The following PIP5K1B variants were observed in gnomAD, a reference collection of about 807,000 sequenced individuals.
PIP5K1B encodes phosphatidylinositol 4-phosphate 5-kinase type-1 beta.
In PIP5K1B, 42 loss-of-function variants were observed where a neutral mutation model predicts 67.0. That is an observed-to-expected ratio of 0.63 (90% CI 0.49 to 0.81). The LOEUF is 0.81. PIP5K1B is among the 30% of genes least tolerant of loss of function. PIP5K1B has a pLI of 0.00. For missense variants in PIP5K1B, 459 were observed against 646.3 expected (o/e 0.71, Z 3.14); for synonymous variants, 214 against 231.4 (o/e 0.92, Z 0.68).
At chr9:68,866,308 AAG>A (rs1477700621) in intron 5 of PIP5K1B, among the ~76,000 whole-genome samples, 1 of 151,830 alleles carries the variant, frequency 6.6e-6, no homozygotes, top group East Asian at 1.9e-4. Context: ...AAAAAAAAAA[AAG>A]AAAAAAATTA....
chr9:68,710,500 G>A (rs1827335139), intron 1 of PIP5K1B, among the ~76,000 whole-genome samples: 1 of 152,116 alleles, frequency 6.6e-6, no homozygotes, highest in Admixed American at 6.5e-5. Context: ...TCATATATAA[G>A]ATTAGGTCAG....
chr9:68,771,892 G>T (rs900816619), intron 2 of PIP5K1B, among the ~76,000 whole-genome samples: 1 of 152,090 alleles, frequency 6.6e-6, no homozygotes, highest in African/African-American at 2.4e-5. Flanking sequence ...AAAAAGTTGT[G>T]GATACTGAAA....
At chr9:68,844,362 A>G (rs1822075218) in intron 4 of PIP5K1B, among the ~76,000 whole-genome samples, 1 of 152,188 alleles carries the variant, frequency 6.6e-6, no homozygotes, top group Non-Finnish European at 1.5e-5. Context: ...GGAAGGGGGA[A>G]CCAAGGGGGA....
At chr9:68,883,102 A>C (rs1388115930) in intron 6 of PIP5K1B, among the ~76,000 whole-genome samples, 1 of 152,220 alleles carries the variant, frequency 6.6e-6, no homozygotes, top group South Asian at 2.1e-4. Context: ...ACTTCCAGTG[A>C]CTTTCCAGTA....
intron 8 of PIP5K1B, among the ~76,000 whole-genome samples, chr9:68,904,313 C>G (rs1564219731): frequency 6.6e-6 from 1 of 152,160 alleles, no homozygotes; most frequent in East Asian, 1.9e-4. Flanking sequence ...GACTGGTCAC[C>G]TAACTCTGAC....
At chr9:68,990,466 G>A (rs1282105189) in intron 14 of PIP5K1B, among the ~76,000 whole-genome samples, 1 of 151,770 alleles carries the variant, frequency 6.6e-6, no homozygotes, top group Non-Finnish European at 1.5e-5. Context: ...GTTATCTTTT[G>A]TAAACTAGGG....
chr9:68,707,360 A>C lies in PIP5K1B; in HGVS notation c.-243+1598A>C, dbSNP rs569885484. ...TTTTGAGTGTTCTCACCTAATTCCA[A>C]ACATTTCTGAGGGAGGCAGGGCAAA... On this transcript the variant is annotated intron_variant, in intron 1 of 15. Coordinates refer to ENST00000265382, the MANE Select transcript of PIP5K1B (RefSeq NM_003558.4). 8.3e-4 allele frequency among the ~76,000 whole-genome samples: 126 copies of C among 152,270 alleles called. 2 individuals are homozygous for C. Among genetic ancestry groups the C allele is most frequent in the African/African-American group, 2.7e-3 (112 of 41,524 alleles).
At chr9:68,789,614 G>C (rs1247498686) in intron 2 of PIP5K1B, 2 of 376,624 alleles carry the variant, frequency 5.3e-6, no homozygotes, top group Non-Finnish European at 1.1e-5. Flanking sequence ...CACTTCTCCA[G>C]TGTTTCTCCA....
intron 15 of PIP5K1B, among the ~76,000 whole-genome samples, chr9:68,996,872 G>A (rs1030661266): frequency 1.3e-5 from 2 of 152,096 alleles, no homozygotes; most frequent in Non-Finnish European, 2.9e-5. Flanking sequence ...TGACTTCCTT[G>A]CTTCTACTAT....
chr9:68,726,898 A>T (rs895787269), intron 1 of PIP5K1B, among the ~76,000 whole-genome samples: 5 of 151,824 alleles, frequency 3.3e-5, no homozygotes, highest in Admixed American at 3.3e-4. Flanking sequence ...AATCATGTTG[A>T]GCATCTTTTC....
intron 8 of PIP5K1B, among the ~76,000 whole-genome samples, chr9:68,901,909 T>C (rs1352666155): frequency 6.6e-6 from 1 of 152,232 alleles, no homozygotes; most frequent in Non-Finnish European, 1.5e-5. Flanking sequence ...TGTAAATTTT[T>C]CTACCTGTAA....
intron 14 of PIP5K1B, among the ~76,000 whole-genome samples, chr9:68,982,055 G>T (rs1231567930): frequency 2.0e-5 from 3 of 152,150 alleles, no homozygotes; most frequent in Non-Finnish European, 4.4e-5. Context: ...CATGCAATTA[G>T]CCCTCAGACA....
At chr9:68,773,381 G>A (rs1411091781) in intron 2 of PIP5K1B, among the ~76,000 whole-genome samples, 1 of 152,144 alleles carries the variant, frequency 6.6e-6, no homozygotes, top group African/African-American at 2.4e-5. Context: ...GCACCAAGGA[G>A]GTTCCTCTGA....
intron 14 of PIP5K1B, among the ~76,000 whole-genome samples, chr9:68,982,290 T>C (rs774107877): frequency 2.0e-5 from 3 of 152,120 alleles, no homozygotes; most frequent in Non-Finnish European, 4.4e-5. Context: ...CCTAGGAAAC[T>C]CTCAGCCAGA....
At chr9:68,741,025 AC>A (rs1209646550) in intron 1 of PIP5K1B, among the ~76,000 whole-genome samples, 1 of 152,200 alleles carries the variant, frequency 6.6e-6, no homozygotes, top group African/African-American at 2.4e-5. Context: ...ATGCCATTTT[AC>A]CCACTTTTAT....
Position 68,934,935 on chromosome 9 carries a change from C to A in PIP5K1B, c.1247C>A (p.Ala416Asp). The A allele has an allele frequency of 6.2e-7, 1 of 1,613,094 alleles. No homozygotes were observed. The highest frequency in any genetic ancestry group is 8.5e-7 in the Non-Finnish European group (1 of 1,179,402). ...PSKKRCNSIA[A>D]LKATSQEIVS... Reference sequence around the variant, plus strand: ...AAGAAACGGTGCAATTCAATCGCCGCCCTAAAGGCCACTTCACAGGAGATT... The same window carrying A: ...AAGAAACGGTGCAATTCAATCGCCGACCTAAAGGCCACTTCACAGGAGATT... Residue 416 changes from alanine to aspartate, a missense_variant, in exon 13 of 16, where the codon GCC becomes GAC. Transcript: ENST00000265382.
chr9:68,874,745 A>G (rs1206825825), intron 5 of PIP5K1B, among the ~76,000 whole-genome samples: 1 of 152,154 alleles, frequency 6.6e-6, no homozygotes, highest in Non-Finnish European at 1.5e-5. Flanking sequence ...GCTCCAGTAG[A>G]ATGAGTTACT....
chr9:68,798,942 AAG>A (rs749878688), intron 2 of PIP5K1B, among the ~76,000 whole-genome samples: 5 of 152,206 alleles, frequency 3.3e-5, no homozygotes, highest in Admixed American at 6.5e-5. Flanking sequence ...ACTAAGGAGA[AAG>A]AGAGAGAAAT....
chr9:68,831,982 A>G (rs1415759842), intron 4 of PIP5K1B, among the ~76,000 whole-genome samples: 2 of 152,212 alleles, frequency 1.3e-5, no homozygotes, highest in African/African-American at 4.8e-5. Flanking sequence ...ACTAGAATTT[A>G]ACAATTTTAA....
Sources: allele counts gnomAD v4.1 joint callset (sites outside exome capture counted in the v4.1 genomes callset), GRCh38; gene constraint gnomAD v4.1.1; transcripts MANE v1.5; gene names NCBI Gene and HGNC (gene_info 2026-07-23, HGNC 2026-07-21).